Variants in ZNF804A observed in about 807,000 individuals in gnomAD.
ZNF804A encodes the protein zinc finger protein 804A.
Under a neutral mutation model 16.5 loss-of-function variants are expected in ZNF804A, and 2 were observed. The observed-to-expected ratio is 0.12, with a 90% CI of 0.05 to 0.38. ZNF804A has a LOEUF of 0.38. Ranked by LOEUF, ZNF804A falls within the 10% of genes least tolerant of loss-of-function variation. The pLI is 0.99. For synonymous variants in ZNF804A, 534 were observed against 489.6 expected (o/e 1.09, Z -1.20); for missense variants, 1,473 against 1,390.7 (o/e 1.06, Z -0.94).
chr2:184,936,532 ATGT>A lies in ZNF804A; in HGVS notation c.1138_1140del (p.Val380del). ...TCTGTGCAAGCTACCACAGAGGAAA[ATGT>A]TAAGCATAACGAGGCATCCACAACT... is the stretch of plus-strand genomic sequence containing the variant. On this transcript the variant is annotated inframe_deletion, in exon 4 of 4. Coordinates refer to ENST00000302277, the MANE Select transcript of ZNF804A (RefSeq NM_194250.2). The A allele has an allele frequency of 1.2e-6, 2 of 1,614,006 alleles. No individual in the cohort carries two copies. Among genetic ancestry groups the A allele is most frequent in the Non-Finnish European group, 1.7e-6 (2 of 1,179,966 alleles).
intron 1 of ZNF804A, among the ~76,000 whole-genome samples, chr2:184,801,417 T>G (rs1694725576): frequency 6.6e-6 from 1 of 152,200 alleles, no homozygotes; most frequent in Non-Finnish European, 1.5e-5. Context: ...TGTCTGGATT[T>G]CCAATTAACA....
intron 1 of ZNF804A, among the ~76,000 whole-genome samples, chr2:184,848,989 A>G (rs921042177): frequency 4.6e-5 from 7 of 152,066 alleles, no homozygotes; most frequent in Admixed American, 3.9e-4. Context: ...GCAGAAATGG[A>G]GTTCTAGAAA....
chr2:184,937,539 A>G lies in ZNF804A; in HGVS notation c.2143A>G (p.Asn715Asp). The change falls in exon 4 of 4, where the codon AAT becomes GAT. Residue 715 changes from asparagine to aspartate, a missense_variant. Asn to Asp is a conservative substitution (Grantham distance 23). Coordinates refer to ENST00000302277, the MANE Select transcript of ZNF804A (RefSeq NM_194250.2). ...AACAATGATACATTCTGGGAAACAT[A>G]ATTTAACATATTCTAGAACTTACTG... Reference protein sequence around the residue: ...NATMIHSGKHNLTYSRTYCCW... With the variant: ...NATMIHSGKHDLTYSRTYCCW... The G allele has an allele frequency of 1.2e-6, 2 of 1,612,490 alleles. No homozygotes were observed. The highest frequency in any genetic ancestry group is 1.7e-6 in the Non-Finnish European group (2 of 1,179,504).
At position 184,937,818 on chromosome 2, in the gene ZNF804A, C is replaced by G. The variant is rs1352363356; in HGVS notation, c.2422C>G (p.Pro808Ala). The change falls in exon 4 of 4, where the codon CCT becomes GCT. Residue 808 changes from proline to alanine, a missense_variant. Transcript: ENST00000302277. Reference protein sequence around the residue: ...PPSTSVAPCKPKKKRRRKRGR... With the variant: ...PPSTSVAPCKAKKKRRRKRGR... ...AAGTACTTCAGTTGCTCCCTGCAAGCCTAAAAAGAAACGGAGGCGAAAAAG... is the reference window on the plus strand; with the variant it reads ...AAGTACTTCAGTTGCTCCCTGCAAGGCTAAAAAGAAACGGAGGCGAAAAAG... The G allele has an allele frequency of 6.2e-6, 10 of 1,613,882 alleles. No individual in the cohort carries two copies. The highest frequency in any genetic ancestry group is 8.5e-6 in the Non-Finnish European group (10 of 1,179,980).
At chr2:184,918,090 A>G (rs887989861) in intron 2 of ZNF804A, among the ~76,000 whole-genome samples, 2 of 152,142 alleles carry the variant, frequency 1.3e-5, no homozygotes, top group Admixed American at 1.3e-4. Flanking sequence ...TAATACTAAG[A>G]TATGCCCTAT....
In ZNF804A at chr2:184,728,840, A is replaced by G. The variant is rs548442001; in HGVS notation, c.111+129770A>G. On this transcript the variant is annotated intron_variant, in intron 1 of 3. Coordinates refer to ENST00000302277, the MANE Select transcript of ZNF804A (RefSeq NM_194250.2). The stretch of plus-strand genomic sequence containing the variant: ...ATATATACTACATTTTTTATACACA[A>G]TACAATACTATTTGGCTATTTTAAA... Among the ~76,000 whole-genome samples the G allele has an allele frequency of 2.0e-5, 3 of 152,084 alleles. No individual in the cohort carries two copies. In the East Asian group the frequency reaches 5.8e-4, roughly 29 times the overall value.
intron 2 of ZNF804A, among the ~76,000 whole-genome samples, chr2:184,885,837 TC>T (rs1025004299): frequency 1.2e-4 from 19 of 152,098 alleles, no homozygotes; most frequent in African/African-American, 4.6e-4. Flanking sequence ...TCCCCAAGGA[TC>T]CCTCCCACAA....
At chr2:184,856,093 G>A (rs1458010657) in intron 1 of ZNF804A, among the ~76,000 whole-genome samples, 1 of 151,926 alleles carries the variant, frequency 6.6e-6, no homozygotes, top group Non-Finnish European at 1.5e-5. Flanking sequence ...TGCAGAACAA[G>A]CTCCTATAGA....
intron 1 of ZNF804A, among the ~76,000 whole-genome samples, chr2:184,603,689 G>A (rs1016449620): frequency 2.0e-5 from 3 of 152,146 alleles, no homozygotes; most frequent in Non-Finnish European, 2.9e-5. Flanking sequence ...GAGCTCAGGG[G>A]TGAGGGTGGA....
At chr2:184,708,825 C>T (rs1424987154) in intron 1 of ZNF804A, among the ~76,000 whole-genome samples, 4 of 152,030 alleles carry the variant, frequency 2.6e-5, no homozygotes, top group African/African-American at 7.2e-5. Context: ...GGCTTTCTTC[C>T]TGCTTTAAAC....
chr2:184,903,982 G>GA (rs1053915463), intron 2 of ZNF804A, among the ~76,000 whole-genome samples: 121 of 151,786 alleles, frequency 8.0e-4, no homozygotes, highest in Admixed American at 1.5e-3. Context: ...AAAGATTCCC[G>GA]AAAAAAACCC....
In ZNF804A at chr2:184,706,672, C is replaced by T. The variant is rs149473570; in HGVS notation, c.111+107602C>T. Among the ~76,000 whole-genome samples, 378 of 152,194 alleles carry T rather than the reference C, an allele frequency of 2.5e-3. 1 individual carries two copies. Among genetic ancestry groups the T allele is most frequent in the African/African-American group, 8.6e-3 (357 of 41,550 alleles). On this transcript the variant is annotated intron_variant, in intron 1 of 3. Transcript: ENST00000302277. ...TTCCCCTATCTTGTGAAATACCTGA[C>T]CATCAGGATAGCTGTGGTTTAGGAC... is the stretch of plus-strand genomic sequence containing the variant.
intron 2 of ZNF804A, among the ~76,000 whole-genome samples, chr2:184,932,933 T>A (rs537289995): frequency 6.6e-6 from 1 of 152,232 alleles, no homozygotes; most frequent in South Asian, 2.1e-4. Context: ...ACAATACCAA[T>A]TTTCTTCCAA....
chr2:184,665,583 G>A (rs1388901477), intron 1 of ZNF804A, among the ~76,000 whole-genome samples: 1 of 152,162 alleles, frequency 6.6e-6, no homozygotes, highest in Non-Finnish European at 1.5e-5. Flanking sequence ...CAGAATAAGT[G>A]GATTCTCTCT....
intron 1 of ZNF804A, among the ~76,000 whole-genome samples, chr2:184,695,477 A>AAAAAAAC (rs1309277196): frequency 6.6e-6 from 1 of 150,918 alleles, no homozygotes; most frequent in African/African-American, 2.4e-5. Flanking sequence ...AAAAAAAAAA[A>AAAAAAAC]AAAAAAAAAA....
Position 184,936,608 on chromosome 2 carries a change from T to A in ZNF804A, c.1212T>A (p.Thr404=). The part of the protein sequence containing the change: ...NGPETLAPSN[T]EEVNITIHKK... ...CCGAGACATTGGCCCCTTCAAATAC[T>A]GAAGAGGTTAACATAACTATACATA... Residue 404 remains threonine (T), a synonymous_variant, in exon 4 of 4, where the codon ACT becomes ACA. Transcript: ENST00000302277. The A allele has an allele frequency of 1.2e-6, 2 of 1,613,974 alleles. No individual in the cohort carries two copies. The highest frequency in any genetic ancestry group is 1.7e-6 in the Non-Finnish European group (2 of 1,179,940).
chr2:184,619,817 C>T (rs1339581210), intron 1 of ZNF804A, among the ~76,000 whole-genome samples: 2 of 151,536 alleles, frequency 1.3e-5, no homozygotes, highest in African/African-American at 4.8e-5. Flanking sequence ...ACATATTTTA[C>T]AAAGAAGAAT....
intron 1 of ZNF804A, among the ~76,000 whole-genome samples, chr2:184,735,045 G>A (rs1693585137): frequency 6.6e-6 from 1 of 151,940 alleles, no homozygotes; most frequent in South Asian, 2.1e-4. Context: ...ATCAATACAG[G>A]TCTTTATATT....
chr2:184,792,465 G>A (rs191021899), intron 1 of ZNF804A, among the ~76,000 whole-genome samples: 1 of 152,072 alleles, frequency 6.6e-6, no homozygotes, highest in Non-Finnish European at 1.5e-5. Flanking sequence ...ATCTTCTTTT[G>A]TGAGGTGCCT....
Sources: gnomAD v4.1 joint callset for allele counts (sites outside exome capture counted in the v4.1 genomes callset) on GRCh38, gnomAD v4.1.1 for gene constraint, MANE v1.5 for transcripts, NCBI Gene and HGNC (gene_info 2026-07-23, HGNC 2026-07-21) for gene names.